ECE1: variants seen among roughly 807,000 people sequenced by gnomAD.
ECE1 encodes endothelin-converting enzyme 1.
Under a neutral mutation model 98.6 loss-of-function variants are expected in ECE1, and 35 were observed. The ratio of observed to expected loss-of-function variants is 0.35; its 90% CI spans 0.27 to 0.47. The LOEUF (loss-of-function observed/expected upper bound fraction) is 0.47. Among genes scored for constraint, ECE1 ranks in the 20% least tolerant of loss-of-function variants. The probability of loss-of-function intolerance (pLI) is 1.00; values close to 1 mark genes in which losing one functional copy is unlikely to be tolerated. For missense variants in ECE1, 814 were observed against 1,025.3 expected, an observed-to-expected ratio of 0.79 and a Z score of 2.81; for synonymous variants, 394 against 407.1, an observed-to-expected ratio of 0.97 and a Z score of 0.39.
chr1:21,333,334 T>TG (rs1186796804), intron 1 of ECE1, among the ~76,000 whole-genome samples: 1,435 of 21,112 alleles, frequency 0.068, 27 homozygotes, highest in African/African-American at 0.21. Context: ...ACCAGAGCCG[T>TG]GGGGGGGGCG....
At chr1:21,274,205 G>A (rs1399647067) in intron 3 of ECE1, among the ~76,000 whole-genome samples, 1 of 152,212 alleles carries the variant, frequency 6.6e-6, no homozygotes, top group Non-Finnish European at 1.5e-5. Flanking sequence ...TGGGAGGGCG[G>A]AGAGCTGAGA....
At chr1:21,339,466 G>A (rs981579836) in intron 1 of ECE1, among the ~76,000 whole-genome samples, 2 of 152,108 alleles carry the variant, frequency 1.3e-5, no homozygotes, top group African/African-American at 2.4e-5. Flanking sequence ...TCTAGCTCCC[G>A]TCCCTAATTC....
chr1:21,246,498 C>CA (rs368916726), intron 9 of ECE1, among the ~76,000 whole-genome samples: 26,164 of 95,996 alleles, frequency 0.27, 3,207 homozygotes, highest in Non-Finnish European at 0.31. Flanking sequence ...GACTCCATCT[C>CA]AAAAAAAAAA....
intron 1 of ECE1, among the ~76,000 whole-genome samples, chr1:21,325,130 T>A (rs979606746): frequency 6.6e-6 from 1 of 152,156 alleles, no homozygotes; most frequent in Non-Finnish European, 1.5e-5. Flanking sequence ...TGTACTGGAT[T>A]CAATTTCTTC....
At position 21,227,294 on chromosome 1, in the gene ECE1, T is replaced by C. The variant is rs556663382; in HGVS notation, c.1782-68A>G. 2.3e-4 allele frequency: 340 copies of C among 1,465,534 alleles called. 1 individual carries two copies. The highest frequency in any genetic ancestry group is 3.1e-4 in the Non-Finnish European group (329 of 1,045,218). The allele number at this position is 1,465,534 out of a possible 1,614,324, so 90.8% of individuals were successfully genotyped here. On this transcript the variant is annotated intron_variant, in intron 15 of 18. Transcript: ENST00000374893. The stretch of plus-strand genomic sequence containing the variant: ...AGGGCCTCTCACTCTTGCTCAGGTA[T>C]GTGACCCTCACTTCCTGGGCTTAGA...
At chr1:21,264,320 CT>C (rs3835329) in intron 4 of ECE1, among the ~76,000 whole-genome samples, 457 of 20,222 alleles carry the variant, frequency 0.023, 2 homozygotes, top group East Asian at 0.12. Flanking sequence ...CCCCCCCCCC[CT>C]TTTTTTTTTT....
At chr1:21,275,677 G>A (rs369902681) in intron 3 of ECE1, among the ~76,000 whole-genome samples, 12 of 152,334 alleles carry the variant, frequency 7.9e-5, no homozygotes, top group African/African-American at 2.2e-4. Flanking sequence ...AGGGACCTAC[G>A]AGGTGCTTAA....
At chr1:21,265,617 C>A (rs1246618109) in intron 4 of ECE1, among the ~76,000 whole-genome samples, 1 of 152,140 alleles carries the variant, frequency 6.6e-6, no homozygotes, top group African/African-American at 2.4e-5. Context: ...CCCTCCATAG[C>A]CCCTCGTTCA....
upstream of ECE1, among the ~76,000 whole-genome samples, chr1:21,291,768 A>G (rs2098266788): frequency 6.6e-6 from 1 of 152,106 alleles, no homozygotes; most frequent in Non-Finnish European, 1.5e-5. Flanking sequence ...TCGAGGTTGC[A>G]GTGAGCTGAG....
At chr1:21,273,502 C>A (rs1258137784) in intron 3 of ECE1, among the ~76,000 whole-genome samples, 2 of 152,026 alleles carry the variant, frequency 1.3e-5, no homozygotes, top group Non-Finnish European at 2.9e-5. Context: ...GTCCTCCTTT[C>A]TACAAAAATA....
chr1:21,256,895 T>C (rs28367987), intron 7 of ECE1, among the ~76,000 whole-genome samples: 3,457 of 152,262 alleles, frequency 0.023, 78 homozygotes, highest in Middle Eastern at 0.041. Flanking sequence ...ATGGTGGTCT[T>C]GTCTGCTACC....
intron 8 of ECE1, among the ~76,000 whole-genome samples, chr1:21,253,293 G>A (rs900993380): frequency 1.3e-5 from 2 of 151,954 alleles, no homozygotes; most frequent in Non-Finnish European, 2.9e-5. Flanking sequence ...CTGACCTCAG[G>A]TGATCCACCT....
Position 21,258,440 on chromosome 1 carries a change from T to C in ECE1, c.762+253A>G, listed in dbSNP as rs2098222690. On this transcript the variant is annotated intron_variant, in intron 6 of 18. Transcript: ENST00000374893. This position sits in a 1 kb window ranked among gnomAD's most constrained non-coding sequence, Gnocchi z 4.2. The stretch of plus-strand genomic sequence containing the variant: ...TGTGGGTTCAGCTGTGCCCAGGAGT[T>C]GACATCATTCTTGGGGCCCACGGAA... Among the ~76,000 whole-genome samples the C allele has an allele frequency of 1.3e-5, 2 of 152,278 alleles. No individual in the cohort carries two copies. Among genetic ancestry groups the C allele is most frequent in the African/African-American group, 4.8e-5 (2 of 41,558 alleles).
intron 1 of ECE1, among the ~76,000 whole-genome samples, chr1:21,301,854 AG>A (rs1289349613): frequency 5.5e-5 from 8 of 145,326 alleles, no homozygotes; most frequent in African/African-American, 1.6e-4. Context: ...AAAAAAAAAA[AG>A]GCCAATTCAA....
intron 17 of ECE1, among the ~76,000 whole-genome samples, chr1:21,222,841 CAA>C (rs888811259): frequency 3.6e-5 from 1 of 27,788 alleles, no homozygotes; most frequent in African/African-American, 1.5e-4. Flanking sequence ...GACCCTGTCT[CAA>C]AAAAAAAAAA....
Position 21,227,262 on chromosome 1 carries a change from TGA to T in ECE1, c.1782-38_1782-37del, listed in dbSNP as rs2098175597. 2.5e-6 allele frequency: 4 copies of T among 1,599,436 alleles called. No individual in the cohort carries two copies. In the East Asian group the frequency reaches 8.9e-5, roughly 36 times the overall value. On this transcript the variant is annotated intron_variant, in intron 15 of 18. Transcript: ENST00000374893. ...AGACACAAAGGTAGAGATGATGCTTTGAGAGGAGGGCCTCTCACTCTTGCTCA... is the reference window on the plus strand; with the variant it reads ...AGACACAAAGGTAGAGATGATGCTTTGAGGAGGGCCTCTCACTCTTGCTCA...
intron 1 of ECE1, among the ~76,000 whole-genome samples, chr1:21,303,031 C>A (rs1184050781): frequency 2.0e-5 from 3 of 152,240 alleles, no homozygotes; most frequent in African/African-American, 7.2e-5. Context: ...TTGCCCAGTG[C>A]TTTCTATGCC....
intron 1 of ECE1, among the ~76,000 whole-genome samples, chr1:21,332,252 G>A (rs577637707): frequency 3.0e-4 from 46 of 152,140 alleles, no homozygotes; most frequent in Non-Finnish European, 5.9e-4. Context: ...TAGAGAGCCT[G>A]CATCCCTTCC....
intron 4 of ECE1, among the ~76,000 whole-genome samples, chr1:21,261,904 G>T (rs2103298008): frequency 6.6e-6 from 1 of 152,328 alleles, no homozygotes; most frequent in African/African-American, 2.4e-5. Flanking sequence ...GGGACAAGCG[G>T]GGATGCCTGA....
Sources: allele counts gnomAD v4.1 joint callset (sites outside exome capture counted in the v4.1 genomes callset), GRCh38; gene constraint gnomAD v4.1.1; non-coding constraint Gnocchi (gnomAD v3.1); transcripts MANE v1.5; gene names NCBI Gene and HGNC (gene_info 2026-07-23, HGNC 2026-07-21).